ZNF469: variants seen among roughly 807,000 people sequenced by gnomAD.
ZNF469 encodes the protein zinc finger protein 469.
A neutral mutation model predicts 1.0 loss-of-function variants in ZNF469; 1 was observed. The observed-to-expected ratio is 1.00, with a 90% CI of 0.35 to 4.73. The LOEUF is 4.73. ZNF469 is among the 30% of genes most tolerant of loss of function. The pLI is 0.16. For synonymous variants in ZNF469, 2,703 were observed against 2,363.4 expected (o/e 1.14, Z -4.17); for missense variants, 6,100 against 5,356.3 (o/e 1.14, Z -4.33).
chr16:88,120,518 G>A, the ZNF469 span, among the ~76,000 whole-genome samples: 32 of 152,252 alleles, frequency 2.1e-4, no homozygotes, highest in African/African-American at 7.7e-4. Flanking sequence ...ACGGTCACCT[G>A]GACTGGGCAG....
the ZNF469 span, among the ~76,000 whole-genome samples, chr16:88,266,610 G>A: frequency 6.6e-6 from 1 of 152,252 alleles, no homozygotes; most frequent in African/African-American, 2.4e-5. Context: ...GAAGGTTGGT[G>A]GTTTTACAAG....
In ZNF469 at chr16:88,433,765, A is replaced by T; in HGVS notation, c.6295A>T (p.Thr2099Ser). 6.5e-7 allele frequency: 1 copy of T among 1,549,530 alleles called. No individual in the cohort carries two copies. The highest frequency in any genetic ancestry group is 8.7e-7 in the Non-Finnish European group (1 of 1,146,870). ...CGGCCTGAACAAGCCACTGCTGGCC[A>T]CAGGGGATAGCCCAGCACCCTCTGT... ...SPGLNKPLLA[T>S]GDSPAPSVGD... The change falls in exon 3 of 3, where the codon ACA becomes TCA. Residue 2099 changes from threonine (T) to serine (S), a missense_variant. Coordinates refer to ENST00000565624, the MANE Select transcript of ZNF469 (RefSeq NM_001367624.2).
At chr16:88,385,744 C>T (rs1284833515) in intron 1 of ZNF469, among the ~76,000 whole-genome samples, 1 of 152,064 alleles carries the variant, frequency 6.6e-6, no homozygotes, top group Non-Finnish European at 1.5e-5. Context: ...AGTCCAGGCT[C>T]TGGGAACAGC....
the ZNF469 span, among the ~76,000 whole-genome samples, chr16:88,246,749 G>C: frequency 6.6e-6 from 1 of 152,224 alleles, no homozygotes; most frequent in African/African-American, 2.4e-5. Flanking sequence ...CTGTGAGTGA[G>C]TGAGTGAATG....
chr16:88,397,302 G>A (rs1389562626), intron 1 of ZNF469, among the ~76,000 whole-genome samples: 3 of 152,232 alleles, frequency 2.0e-5, no homozygotes, highest in Admixed American at 1.3e-4. Context: ...TTGTGAGACT[G>A]GGCCATGCAC....
At chr16:88,373,808 C>A in the ZNF469 span, among the ~76,000 whole-genome samples, 1 of 152,050 alleles carries the variant, frequency 6.6e-6, no homozygotes, top group Non-Finnish European at 1.5e-5. Flanking sequence ...ACCAACCTGA[C>A]CAACATGGCA....
At chr16:88,193,463 C>T in the ZNF469 span, 3 of 152,362 alleles carry the variant, frequency 2.0e-5, no homozygotes, top group South Asian at 6.2e-4. Context: ...CTTCGGAAGG[C>T]TGAGGCTGGA....
At chr16:88,107,421 C>G in the ZNF469 span, among the ~76,000 whole-genome samples, 1 of 152,234 alleles carries the variant, frequency 6.6e-6, no homozygotes, top group African/African-American at 2.4e-5. Flanking sequence ...ACCATCAGCT[C>G]TCACAAGAAC....
the ZNF469 span, among the ~76,000 whole-genome samples, chr16:88,146,354 T>G: frequency 6.6e-6 from 1 of 152,108 alleles, no homozygotes; most frequent in South Asian, 2.1e-4. Flanking sequence ...CCTGCTCCAT[T>G]TATTAAATCA....
At chr16:88,242,658 C>T in the ZNF469 span, among the ~76,000 whole-genome samples, 1 of 152,264 alleles carries the variant, frequency 6.6e-6, no homozygotes, top group Non-Finnish European at 1.5e-5. Context: ...TCCAGCCTGA[C>T]CACCGCCCCC....
the ZNF469 span, among the ~76,000 whole-genome samples, chr16:88,293,178 A>G: frequency 5.3e-5 from 8 of 151,858 alleles, no homozygotes; most frequent in Non-Finnish European, 1.0e-4. Context: ...GGATGAATAC[A>G]TGGGTGGATG....
At chr16:88,123,423 G>A in the ZNF469 span, among the ~76,000 whole-genome samples, 2 of 152,098 alleles carry the variant, frequency 1.3e-5, no homozygotes, top group East Asian at 1.9e-4. Flanking sequence ...GATTTGGGCT[G>A]TTTTCAATTT....
chr16:88,152,483 G>A, the ZNF469 span, among the ~76,000 whole-genome samples: 220 of 152,250 alleles, frequency 1.4e-3, no homozygotes, highest in African/African-American at 5.1e-3. This position sits in a 1 kb window ranked among gnomAD's most constrained non-coding sequence, Gnocchi z 4.2. Context: ...TCCCAGATCC[G>A]TGCTGCTGAT....
the ZNF469 span, among the ~76,000 whole-genome samples, chr16:88,126,577 A>G: frequency 8.4e-6 from 1 of 119,592 alleles, no homozygotes; most frequent in Non-Finnish European, 1.8e-5. Flanking sequence ...CTGCTTATAT[A>G]GTGAATTGTG....
the ZNF469 span, among the ~76,000 whole-genome samples, chr16:88,240,872 C>T: frequency 2.6e-5 from 4 of 152,140 alleles, no homozygotes; most frequent in African/African-American, 9.7e-5. Context: ...TCAGTGTGCC[C>T]CAGCCTGCAC....
chr16:88,396,328 A>AGAGACCCTCCTGCAGGGAGGCCTGGAG (rs1904657139), intron 1 of ZNF469, among the ~76,000 whole-genome samples: 3 of 152,202 alleles, frequency 2.0e-5, no homozygotes, highest in African/African-American at 7.2e-5. Flanking sequence ...TCCAAACTCA[A>AGAGACCCTCCTGCAGGGAGGCCTGGAG]GAGACCCTCC....
the ZNF469 span, among the ~76,000 whole-genome samples, chr16:88,212,214 C>A: frequency 7.9e-5 from 12 of 152,162 alleles, no homozygotes; most frequent in African/African-American, 2.7e-4. Flanking sequence ...AGCTATGCCT[C>A]GGAATCACTT....
chr16:88,264,057 C>T, the ZNF469 span, among the ~76,000 whole-genome samples: 2 of 152,058 alleles, frequency 1.3e-5, no homozygotes, highest in South Asian at 2.1e-4. Context: ...TCATGGAGCT[C>T]GGCCCCTGGG....
intron 1 of ZNF469, among the ~76,000 whole-genome samples, chr16:88,407,553 T>A (rs997492013): frequency 3.3e-5 from 5 of 152,250 alleles, no homozygotes; most frequent in African/African-American, 1.2e-4. Flanking sequence ...TCATCTTCAT[T>A]TCAACCCTGT....
Sources: allele counts gnomAD v4.1 joint callset (sites outside exome capture counted in the v4.1 genomes callset), GRCh38; gene constraint gnomAD v4.1.1; non-coding constraint Gnocchi (gnomAD v3.1); transcripts MANE v1.5; gene names NCBI Gene and HGNC (gene_info 2026-07-23, HGNC 2026-07-21).